Variants in TAF2 observed in about 807,000 individuals in gnomAD.
The protein encoded by TAF2 is TATA-box binding protein associated factor 2.
Under a neutral mutation model 138.5 loss-of-function variants are expected in TAF2, and 61 were observed. The observed-to-expected ratio is 0.44, with a 90% CI of 0.36 to 0.54. The LOEUF (loss-of-function observed/expected upper bound fraction) is 0.54, where lower values mean the gene tolerates loss of function less well. Ranked by LOEUF, TAF2 falls within the 20% of genes least tolerant of loss-of-function variation. The pLI is 0.00. For synonymous variants in TAF2, 475 were observed against 469.9 expected (o/e 1.01, Z -0.14); for missense variants, 1,090 against 1,427.9 (o/e 0.76, Z 3.81).
At chr8:119,824,286 C>T (rs1825962895) in intron 2 of TAF2, among the ~76,000 whole-genome samples, 1 of 151,784 alleles carries the variant, frequency 6.6e-6, no homozygotes, top group Non-Finnish European at 1.5e-5. Flanking sequence ...GAAAATTAGC[C>T]AGGCATGGTG....
chr8:119,756,183 CA>C (rs1419133710), intron 21 of TAF2, 68 bp from the exon 22 acceptor site: 4 of 1,069,662 alleles, frequency 3.7e-6, no homozygotes, highest in Non-Finnish European at 5.7e-6. Flanking sequence ...TAGGAGACAA[CA>C]TAAACACTGA....
At chr8:119,736,563 A>T (rs1304109987) in intron 25 of TAF2, among the ~76,000 whole-genome samples, 2 of 152,254 alleles carry the variant, frequency 1.3e-5, no homozygotes, top group Non-Finnish European at 2.9e-5. Context: ...ATTATTAAAT[A>T]CATAGAAAAA....
At chr8:119,737,680 T>C (rs1819319824) in intron 25 of TAF2, among the ~76,000 whole-genome samples, 1 of 151,960 alleles carries the variant, frequency 6.6e-6, no homozygotes, top group African/African-American at 2.4e-5. Flanking sequence ...AGCTAATTTT[T>C]GTATTTTTAG....
rs189443426 is a variant in TAF2 at position 119,777,609 on chromosome 8, A to G, written c.2364+410T>C. On this transcript the variant is annotated intron_variant, in intron 18 of 25. Transcript: ENST00000378164. ...AAAGACACAATGGTAAAGAAAAGAAAAAAGGTCAAATGAATCAAGGAACAA... is the reference window on the plus strand; with the variant it reads ...AAAGACACAATGGTAAAGAAAAGAAGAAAGGTCAAATGAATCAAGGAACAA... Among the ~76,000 whole-genome samples, 47 of 152,328 alleles carry G rather than the reference A, an allele frequency of 3.1e-4. 1 individual carries two copies. In the East Asian group the frequency reaches 6.4e-3, roughly 21 times the overall value.
In TAF2 at chr8:119,740,161, A is replaced by C. The variant is rs908525167; in HGVS notation, c.3337+2373T>G. On this transcript the variant is annotated intron_variant, in intron 25 of 25. Transcript: ENST00000378164. ...TCTGCTGGGAGGCAGGAAGACAAGA[A>C]ATTCCTTTTTCACTGCCAATTTGAC... Among the ~76,000 whole-genome samples the C allele has an allele frequency of 5.3e-5, 8 of 152,126 alleles. No individual in the cohort carries two copies. In the East Asian group the frequency reaches 1.5e-3, roughly 29 times the overall value.
chr8:119,783,109 T>A (rs1444142696), intron 16 of TAF2, among the ~76,000 whole-genome samples: 1 of 152,212 alleles, frequency 6.6e-6, no homozygotes, highest in Non-Finnish European at 1.5e-5. Context: ...TTTAAAAATG[T>A]GGTTGGCAAT....
At chr8:119,798,731 A>G (rs1824012717) in intron 6 of TAF2, among the ~76,000 whole-genome samples, 1 of 152,212 alleles carries the variant, frequency 6.6e-6, no homozygotes, top group African/African-American at 2.4e-5. Flanking sequence ...TTACTGCAGA[A>G]TTATAAAGGC....
intron 22 of TAF2, among the ~76,000 whole-genome samples, chr8:119,755,519 A>C (rs570251116): frequency 1.4e-4 from 22 of 152,282 alleles, no homozygotes; most frequent in African/African-American, 5.3e-4. Context: ...ATTAAAAAAT[A>C]AAAACTGTGA....
rs1823222624 is a variant in TAF2, at chr8:119,788,907, G to A, written c.1569-3C>T. 1 of 1,577,816 alleles carries A rather than the reference G, an allele frequency of 6.3e-7. No individual in the cohort carries two copies. Among genetic ancestry groups the A allele is most frequent in the Non-Finnish European group, 8.7e-7 (1 of 1,147,100 alleles). The stretch of plus-strand genomic sequence containing the variant: ...ATTTTACCACTCCACTCTGATCTCT[G>A]AAGAATTGTAAAGGAAAGTTTACAT... On this transcript the variant is annotated splice_polypyrimidine_tract_variant and splice_region_variant and intron_variant, in intron 12 of 25. Coordinates refer to ENST00000378164, the MANE Select transcript of TAF2 (RefSeq NM_003184.4).
chr8:119,815,025 G>A (rs9720844), intron 3 of TAF2, among the ~76,000 whole-genome samples: 11 of 151,528 alleles, frequency 7.3e-5, no homozygotes, highest in South Asian at 4.2e-4. Context: ...GCATGATCTC[G>A]AACTCATGAT....
chr8:119,781,275 A>AAT (rs1822633825), intron 16 of TAF2, 82 bp from the exon 17 acceptor site: 1 of 1,489,994 alleles, frequency 6.7e-7, no homozygotes, highest in East Asian at 2.3e-5. Flanking sequence ...AAAAGTTATC[A>AAT]ATACTACAAC....
rs764721076 is a variant in TAF2 at position 119,793,449 on chromosome 8, C to T, written c.1194G>A (p.Glu398=). The change falls in exon 10 of 26, where the codon GAG becomes GAA. Residue 398 remains glutamate (E), a splice_region_variant and synonymous_variant. Transcript: ENST00000378164. ...GTTCATATGCCACTATTTTGTCTAG[C>T]TCCTAAAAAATATATAAAAATAGGA... ...VNEYRHWIKE[E]LDKIVAYELK... 4 of 1,610,718 alleles carry T rather than the reference C, an allele frequency of 2.5e-6. No homozygotes were observed. Among genetic ancestry groups the T allele is most frequent in the Middle Eastern group, 1.7e-4 (1 of 6,048 alleles).
intron 14 of TAF2, 75 bp downstream of exon 14, chr8:119,788,263 A>C: frequency 7.4e-7 from 1 of 1,346,416 alleles, no homozygotes; most frequent in South Asian, 1.2e-5. Context: ...TATACAAGAG[A>C]ATTTTTATTT....
chr8:119,797,616 T>C (rs1391479777), intron 7 of TAF2, 46 bp downstream of exon 7: 3 of 1,571,190 alleles, frequency 1.9e-6, no homozygotes, highest in South Asian at 1.1e-5. Context: ...ATTTTCTTCA[T>C]ATCATGATCT....
intron 9 of TAF2, among the ~76,000 whole-genome samples, chr8:119,794,387 C>T (rs1823671353): frequency 7.1e-6 from 1 of 141,794 alleles, no homozygotes. Context: ...CAGAGTGAGA[C>T]TCCGTCTCAA....
intron 3 of TAF2, among the ~76,000 whole-genome samples, chr8:119,817,827 G>A (rs1279954097): frequency 6.6e-6 from 1 of 152,146 alleles, no homozygotes; most frequent in Non-Finnish European, 1.5e-5. Flanking sequence ...TTTATCAGGT[G>A]ACCTTTCCAT....
intron 22 of TAF2, among the ~76,000 whole-genome samples, chr8:119,751,593 T>C (rs1332485950): frequency 6.6e-6 from 1 of 152,204 alleles, no homozygotes; most frequent in Non-Finnish European, 1.5e-5. Context: ...CAACTATCTC[T>C]TCATATTATA....
chr8:119,813,258 C>T (rs1825222110), intron 3 of TAF2, among the ~76,000 whole-genome samples: 1 of 152,134 alleles, frequency 6.6e-6, no homozygotes, highest in Non-Finnish European at 1.5e-5. Flanking sequence ...TAACAAATGC[C>T]TATTCATGTT....
intron 25 of TAF2, among the ~76,000 whole-genome samples, chr8:119,732,741 T>C (rs1308439354): frequency 1.3e-5 from 2 of 152,038 alleles, no homozygotes; most frequent in Non-Finnish European, 2.9e-5. Flanking sequence ...GAGGCCGAGG[T>C]TGCAGTGAGC....
Sources: allele counts gnomAD v4.1 joint callset (sites outside exome capture counted in the v4.1 genomes callset), GRCh38; gene constraint gnomAD v4.1.1; transcripts MANE v1.5; gene names NCBI Gene and HGNC (gene_info 2026-07-23, HGNC 2026-07-21).